ANKIB1: variants seen among roughly 807,000 people sequenced by gnomAD.
ANKIB1 encodes ankyrin repeat and IBR domain containing 1, also known as ankyrin repeat and IBR domain-containing protein 1.
ANKIB1 carries 43 observed loss-of-function variants against 122.1 expected under a neutral mutation model. The observed-to-expected ratio is 0.35, with a 90% CI of 0.28 to 0.45. ANKIB1 has a LOEUF of 0.45. ANKIB1 is among the 20% of genes least tolerant of loss of function. The pLI is 1.00. For missense variants in ANKIB1, 992 were observed against 1,329.5 expected (o/e 0.75, Z 3.95); for synonymous variants, 390 against 442.0 (o/e 0.88, Z 1.48).
At chr7:92,255,940 T>G (rs1352447026) in intron 1 of ANKIB1, among the ~76,000 whole-genome samples, 1 of 152,216 alleles carries the variant, frequency 6.6e-6, no homozygotes, top group African/African-American at 2.4e-5. Flanking sequence ...GAATATGGTG[T>G]GATTCTCATC....
chr7:92,255,195 C>T (rs909115790), intron 1 of ANKIB1, among the ~76,000 whole-genome samples: 3 of 152,302 alleles, frequency 2.0e-5, no homozygotes, highest in Middle Eastern at 3.4e-3. Flanking sequence ...TCATCTATAT[C>T]TGTCTTTTAA....
Position 92,246,330 on chromosome 7 carries a change from G to C in ANKIB1, c.-280G>C, listed in dbSNP as rs769451669. On this transcript the variant is annotated 5_prime_UTR_variant, in exon 1 of 20. Coordinates refer to ENST00000265742, the MANE Select transcript of ANKIB1 (RefSeq NM_019004.2). ...AGCGCTTCCCGCGGGCCGCCAGTGC[G>C]CACCCTCGGCCACATCAGCCTCCGC... is the stretch of plus-strand genomic sequence containing the variant. The C allele has an allele frequency of 4.8e-6, 2 of 416,768 alleles. No homozygotes were observed. Among genetic ancestry groups the C allele is most frequent in the South Asian group, 1.7e-5 (1 of 59,876 alleles). The allele number at this position is 416,768 out of a possible 1,614,324, so 25.8% of individuals were successfully genotyped here.
At chr7:92,311,726 A>G (rs200376491) in intron 3 of ANKIB1, among the ~76,000 whole-genome samples, 2 of 122,430 alleles carry the variant, frequency 1.6e-5, no homozygotes, top group African/African-American at 5.7e-5. Context: ...CGCCCCCCCC[A>G]CACACACACA....
intron 6 of ANKIB1, among the ~76,000 whole-genome samples, chr7:92,344,186 G>C (rs1364105182): frequency 2.0e-5 from 2 of 97,982 alleles, no homozygotes; most frequent in East Asian, 7.4e-4. Context: ...GTTGTTTTGT[G>C]TTTTTGGTTT....
At chr7:92,352,860 A>G (rs1371261225) in intron 9 of ANKIB1, among the ~76,000 whole-genome samples, 1 of 152,150 alleles carries the variant, frequency 6.6e-6, no homozygotes, top group Non-Finnish European at 1.5e-5. Context: ...AATTCTCCCA[A>G]CAATGCTGAG....
At chr7:92,330,865 CAA>C (rs1803157613) in intron 5 of ANKIB1, among the ~76,000 whole-genome samples, 1 of 151,812 alleles carries the variant, frequency 6.6e-6, no homozygotes. Flanking sequence ...AAACAAAAAA[CAA>C]AATATTTTCT....
chr7:92,249,315 G>C (rs1245598417), intron 1 of ANKIB1, among the ~76,000 whole-genome samples: 1 of 152,160 alleles, frequency 6.6e-6, no homozygotes, highest in Non-Finnish European at 1.5e-5. Context: ...TCCTCATTGA[G>C]GTTACCAGTC....
At chr7:92,293,188 G>A (rs10266214) in intron 1 of ANKIB1, among the ~76,000 whole-genome samples, 3,669 of 152,192 alleles carry the variant, frequency 0.024, 159 homozygotes, top group African/African-American at 0.084. Flanking sequence ...TTAAATACCC[G>A]TGCCTGGGTG....
At chr7:92,320,769 T>A (rs545591119) in intron 4 of ANKIB1, among the ~76,000 whole-genome samples, 1 of 152,332 alleles carries the variant, frequency 6.6e-6, no homozygotes, top group South Asian at 2.1e-4. Context: ...CTTGTATCTT[T>A]AGAATCCATA....
chr7:92,366,709 A>G (rs1388068322), intron 10 of ANKIB1, among the ~76,000 whole-genome samples: 4 of 152,186 alleles, frequency 2.6e-5, no homozygotes, highest in African/African-American at 9.7e-5. Context: ...CCTGTGGTCT[A>G]ATTAGAGTAA....
chr7:92,355,154 C>T (rs1194958856), intron 9 of ANKIB1, among the ~76,000 whole-genome samples: 1 of 152,140 alleles, frequency 6.6e-6, no homozygotes. Flanking sequence ...TGGTTTCTCC[C>T]CCTAGCCTTT....
intron 1 of ANKIB1, among the ~76,000 whole-genome samples, chr7:92,287,124 C>T (rs1802147896): frequency 6.6e-6 from 1 of 152,102 alleles, no homozygotes; most frequent in African/African-American, 2.4e-5. Flanking sequence ...TTCTGTATGC[C>T]TTTCAACCTA....
At chr7:92,394,950 G>A (rs1042116745) in intron 17 of ANKIB1, among the ~76,000 whole-genome samples, 3 of 152,162 alleles carry the variant, frequency 2.0e-5, no homozygotes, top group African/African-American at 4.8e-5. Flanking sequence ...TCCAAAATTT[G>A]TCTTCACCTA....
At chr7:92,370,263 C>A (rs1221229068) in intron 10 of ANKIB1, among the ~76,000 whole-genome samples, 1 of 151,804 alleles carries the variant, frequency 6.6e-6, no homozygotes, top group African/African-American at 2.4e-5. Flanking sequence ...AATCCCAGCA[C>A]TTTGGGAGGC....
intron 5 of ANKIB1, among the ~76,000 whole-genome samples, chr7:92,338,935 TATATATATA>T (rs1803365689): frequency 9.3e-5 from 1 of 10,780 alleles, no homozygotes; most frequent in Non-Finnish European, 1.6e-4. Context: ...AAAAAAAAAA[TATATATATA>T]TATATATATA....
chr7:92,265,794 A>G (rs886501140), intron 1 of ANKIB1, among the ~76,000 whole-genome samples: 1 of 152,206 alleles, frequency 6.6e-6, no homozygotes, highest in African/African-American at 2.4e-5. Context: ...TATGAGATGC[A>G]TAAGATTGGA....
chr7:92,262,189 A>G (rs1801579738), intron 1 of ANKIB1, among the ~76,000 whole-genome samples: 1 of 152,198 alleles, frequency 6.6e-6, no homozygotes, highest in Admixed American at 6.5e-5. Context: ...CCTAAATGTA[A>G]CTGTTATATT....
intron 9 of ANKIB1, among the ~76,000 whole-genome samples, chr7:92,359,525 TA>T (rs1205096199): frequency 6.6e-6 from 1 of 152,220 alleles, no homozygotes; most frequent in African/African-American, 2.4e-5. Context: ...AGTGCTGCAA[TA>T]AACATATGTG....
At chr7:92,345,119 G>T in intron 7 of ANKIB1, 53 bp downstream of exon 7, 1 of 1,293,570 alleles carries the variant, frequency 7.7e-7, no homozygotes, top group Admixed American at 1.9e-5. Flanking sequence ...ACTCTGATTT[G>T]TTAATAAAAT....
Sources: gnomAD v4.1 joint callset for allele counts (sites outside exome capture counted in the v4.1 genomes callset) on GRCh38, gnomAD v4.1.1 for gene constraint, MANE v1.5 for transcripts, NCBI Gene and HGNC (gene_info 2026-07-23, HGNC 2026-07-21) for gene names.